Variants in CSMD1 observed in about 807,000 individuals in gnomAD.
CSMD1 encodes CUB and Sushi multiple domains 1.
Under a neutral mutation model 417.5 loss-of-function variants are expected in CSMD1, and 213 were observed. The observed-to-expected ratio is 0.51, with a 90% CI of 0.46 to 0.57. The LOEUF (loss-of-function observed/expected upper bound fraction) is 0.57, where lower values mean the gene tolerates loss of function less well. CSMD1 is among the 20% of genes least tolerant of loss of function. CSMD1 has a pLI of 0.00. For missense variants in CSMD1, 6,923 were observed against 4,529.7 expected (o/e 1.53, Z -15.17); for synonymous variants, 2,862 against 1,736.8 (o/e 1.65, Z -16.11).
At chr8:3,828,209 G>C (rs1268875002) in intron 5 of CSMD1, among the ~76,000 whole-genome samples, 1 of 152,112 alleles carries the variant, frequency 6.6e-6, no homozygotes, top group Non-Finnish European at 1.5e-5. Flanking sequence ...GATATTCCTG[G>C]CTAGAAAAGA....
chr8:4,110,543 T>A (rs768329328), intron 3 of CSMD1, among the ~76,000 whole-genome samples: 1 of 152,190 alleles, frequency 6.6e-6, no homozygotes, highest in Non-Finnish European at 1.5e-5. Flanking sequence ...CATTTGTATT[T>A]AATTTTTAAA....
intron 3 of CSMD1, among the ~76,000 whole-genome samples, chr8:4,147,650 G>T (rs7003340): frequency 0.063 from 9,619 of 152,114 alleles, 839 homozygotes; most frequent in African/African-American, 0.2. Context: ...AGGTTACTCT[G>T]AGTGCTGGCT....
intron 7 of CSMD1, among the ~76,000 whole-genome samples, chr8:3,630,414 G>C (rs186373152): frequency 1.3e-5 from 2 of 152,182 alleles, no homozygotes; most frequent in Non-Finnish European, 2.9e-5. Flanking sequence ...TCCGAAAAAA[G>C]ATGAATTGGC....
Position 4,103,538 on chromosome 8 carries a change from G to A in CSMD1, c.416-71439C>T, listed in dbSNP as rs748995468. On this transcript the variant is annotated intron_variant, in intron 3 of 69. Coordinates refer to ENST00000635120, the MANE Select transcript of CSMD1 (RefSeq NM_033225.6). The stretch of plus-strand genomic sequence containing the variant: ...TAAATGTAAATATATATACACACAT[G>A]TAAAACTGACTGCATCAAAGTTTGA... Among the ~76,000 whole-genome samples, 7 of 151,740 alleles carry A rather than the reference G, an allele frequency of 4.6e-5. No individual in the cohort carries two copies. In the East Asian group the frequency reaches 7.7e-4, roughly 17 times the overall value.
At chr8:4,787,641 A>C in intron 1 of CSMD1, 4 of 1,585,984 alleles carry the variant, frequency 2.5e-6, no homozygotes, top group Non-Finnish European at 3.5e-6. Context: ...TCTTTTCTCA[A>C]AAGAAATCCT....
At chr8:4,566,706 A>C (rs1205140658) in intron 2 of CSMD1, among the ~76,000 whole-genome samples, 2 of 151,646 alleles carry the variant, frequency 1.3e-5, no homozygotes, top group Non-Finnish European at 2.9e-5. Flanking sequence ...TAATTTTGGA[A>C]TACATATATA....
chr8:3,275,644 C>T (rs1326344063), intron 26 of CSMD1, among the ~76,000 whole-genome samples: 1 of 152,088 alleles, frequency 6.6e-6, no homozygotes, highest in South Asian at 2.1e-4. Context: ...ATTCTTTTTT[C>T]TCTAAACTTC....
intron 2 of CSMD1, among the ~76,000 whole-genome samples, chr8:4,464,827 G>C (rs1800060210): frequency 6.6e-6 from 1 of 152,010 alleles, no homozygotes; most frequent in South Asian, 2.1e-4. Flanking sequence ...GTTTTGGGAG[G>C]AAAGTATCTA....
At chr8:3,329,432 G>T (rs1209859501) in intron 23 of CSMD1, among the ~76,000 whole-genome samples, 2 of 152,074 alleles carry the variant, frequency 1.3e-5, no homozygotes, top group Non-Finnish European at 2.9e-5. Context: ...TTCGAGATGT[G>T]TTCCACATTA....
At chr8:4,900,073 T>C (rs1270883272) in intron 1 of CSMD1, among the ~76,000 whole-genome samples, 1 of 152,156 alleles carries the variant, frequency 6.6e-6, no homozygotes, top group African/African-American at 2.4e-5. Context: ...TCTCTGGTAG[T>C]TCCTTCTGCT....
intron 26 of CSMD1, among the ~76,000 whole-genome samples, chr8:3,270,409 TGAAAA>T (rs1801755214): frequency 6.6e-6 from 1 of 151,878 alleles, no homozygotes; most frequent in Admixed American, 6.6e-5. Context: ...TTTAAAGCAG[TGAAAA>T]AAAATGATCA....
At chr8:4,100,948 A>C (rs4875276) in intron 3 of CSMD1, among the ~76,000 whole-genome samples, 1 of 152,202 alleles carries the variant, frequency 6.6e-6, no homozygotes, top group Non-Finnish European at 1.5e-5. Flanking sequence ...AACCCAGAGT[A>C]TTGTCTGTAA....
At chr8:4,431,797 T>A (rs1365687726) in intron 2 of CSMD1, among the ~76,000 whole-genome samples, 2 of 152,154 alleles carry the variant, frequency 1.3e-5, no homozygotes, top group Non-Finnish European at 2.9e-5. Context: ...AGCAAATGCT[T>A]AATAAGTTGG....
chr8:4,854,554 G>A lies in CSMD1; in HGVS notation c.85+139778C>T, dbSNP rs559121639. Among the ~76,000 whole-genome samples the A allele has an allele frequency of 7.7e-3, 1,165 of 152,234 alleles. 9 individuals carry two copies. Among genetic ancestry groups the A allele is most frequent in the African/African-American group, 0.026 (1,068 of 41,530 alleles). ...ACAGTGGGTGCAGGTCAGTGGGTGC[G>A]CGCACCGTGCGTGAGCTGAAGCAGG... On this transcript the variant is annotated intron_variant, in intron 1 of 69. Coordinates refer to ENST00000635120, the MANE Select transcript of CSMD1 (RefSeq NM_033225.6).
At chr8:3,247,415 T>G (rs1381038668) in intron 26 of CSMD1, among the ~76,000 whole-genome samples, 1 of 152,134 alleles carries the variant, frequency 6.6e-6, no homozygotes, top group Admixed American at 6.5e-5. Context: ...TGACTTCTCT[T>G]ATTTCCATGC....
chr8:4,328,618 T>G lies in CSMD1; in HGVS notation c.415+91335A>C, dbSNP rs555777177. Among the ~76,000 whole-genome samples, 23 of 151,622 alleles carry G rather than the reference T, an allele frequency of 1.5e-4. 1 individual carries two copies. Among genetic ancestry groups the G allele is most frequent in the Admixed American group, 4.0e-4 (6 of 15,152 alleles). On this transcript the variant is annotated intron_variant, in intron 3 of 69. Coordinates refer to ENST00000635120, the MANE Select transcript of CSMD1 (RefSeq NM_033225.6). ...AATGAAGTCATTTTGTTTTGAAATA[T>G]TTACCATGCTTACTTACCAAGAATA...
chr8:4,157,492 C>T (rs912071596), intron 3 of CSMD1, among the ~76,000 whole-genome samples: 7 of 152,060 alleles, frequency 4.6e-5, no homozygotes, highest in East Asian at 1.9e-4. Flanking sequence ...TTCTGACTAG[C>T]GGAGAAAGAG....
chr8:4,746,509 G>A (rs1342845823), intron 1 of CSMD1, among the ~76,000 whole-genome samples: 3 of 152,218 alleles, frequency 2.0e-5, no homozygotes, highest in Non-Finnish European at 4.4e-5. Flanking sequence ...GGTGATGAGA[G>A]CAATTAAAAG....
intron 4 of CSMD1, among the ~76,000 whole-genome samples, chr8:4,007,395 C>G (rs928564603): frequency 5.3e-5 from 8 of 152,214 alleles, no homozygotes; most frequent in African/African-American, 1.9e-4. Context: ...GCCAGGGCAC[C>G]TATGTTCCTG....
Sources: gnomAD v4.1 joint callset for allele counts (sites outside exome capture counted in the v4.1 genomes callset) on GRCh38, gnomAD v4.1.1 for gene constraint, MANE v1.5 for transcripts, NCBI Gene and HGNC (gene_info 2026-07-23, HGNC 2026-07-21) for gene names.